TMED3: variants seen among roughly 807,000 people sequenced by gnomAD.
The protein encoded by TMED3 is transmembrane emp24 domain-containing protein 3.
A neutral mutation model predicts 15.0 loss-of-function variants in TMED3; 9 were observed. That is an observed-to-expected ratio of 0.60 (90% CI 0.36 to 1.04). TMED3 has a LOEUF of 1.04. Among genes scored for constraint, TMED3 ranks in the 50% least tolerant of loss-of-function variants. TMED3 has a pLI of 0.01. For synonymous variants in TMED3, 117 were observed against 121.4 expected, an observed-to-expected ratio of 0.96 and a Z score of 0.24; for missense variants, 267 against 278.9, an observed-to-expected ratio of 0.96 and a Z score of 0.30.
At chr15:79,375,145 C>G (rs1364380561) in intron 2 of TMED3, among the ~76,000 whole-genome samples, 1 of 152,182 alleles carries the variant, frequency 6.6e-6, no homozygotes, top group Non-Finnish European at 1.5e-5. Flanking sequence ...CAGCAGCATC[C>G]CTCTGGCCCT....
chr15:79,354,252 G>T (rs913825249), intron 2 of TMED3, among the ~76,000 whole-genome samples: 2 of 152,098 alleles, frequency 1.3e-5, no homozygotes, highest in Admixed American at 6.6e-5. Flanking sequence ...TGTTCTCTGT[G>T]GGGTGAGGAG....
rs1367120410 is a variant in TMED3 at position 79,311,220 on chromosome 15, C to T, written c.-30C>T. On this transcript the variant is annotated 5_prime_UTR_variant, in exon 1 of 3. Transcript: ENST00000299705. ...CCCGCCGGGGGCGCAGCGCCCGAGCCGCGGCCCTCGAGACGGGACCGAGAG... is the reference window on the plus strand; with the variant it reads ...CCCGCCGGGGGCGCAGCGCCCGAGCTGCGGCCCTCGAGACGGGACCGAGAG... 3 of 1,569,728 alleles carry T rather than the reference C, an allele frequency of 1.9e-6. No homozygotes were observed. Among genetic ancestry groups the T allele is most frequent in the Non-Finnish European group, 8.6e-7 (1 of 1,163,262 alleles).
At chr15:79,390,144 A>C (rs994515579) in intron 2 of TMED3, among the ~76,000 whole-genome samples, 1 of 152,050 alleles carries the variant, frequency 6.6e-6, no homozygotes, top group African/African-American at 2.4e-5. Context: ...GAATGGTGAG[A>C]GTGGGCTTCC....
chr15:79,339,790 G>C lies in TMED3; in HGVS notation c.417+25785G>C, dbSNP rs191965327. ...GGTGGTGTTGATGGTGGTGATGGCA[G>C]TGGTGGTGGTGATGGTGTGAATGTG... On this transcript the variant is annotated intron_variant, in intron 2 of 2. Coordinates refer to the TMED3 transcript ENST00000424155. 1.3e-3 allele frequency among the ~76,000 whole-genome samples: 202 copies of C among 151,018 alleles called. 2 individuals are homozygous for C. Among genetic ancestry groups the C allele is most frequent in the Non-Finnish European group, 2.6e-3 (176 of 67,596 alleles).
chr15:79,412,818 G>A (rs147979819), exon 3 of TMED3: 4 of 152,468 alleles, frequency 2.6e-5, no homozygotes, highest in African/African-American at 9.6e-5. Flanking sequence ...ACCCATTGGA[G>A]TGTTGTGACC....
At chr15:79,377,644 CTTTTTTTTTTTTTT>C (rs71150905) in intron 2 of TMED3, among the ~76,000 whole-genome samples, 1 of 123,620 alleles carries the variant, frequency 8.1e-6, no homozygotes, top group East Asian at 2.3e-4. Context: ...ACAAACCGTT[CTTTTTTTTTTTTTT>C]TTTTTTTGAG....
chr15:79,315,535 A>G (rs3784545), intron 2 of TMED3, among the ~76,000 whole-genome samples: 54,272 of 152,086 alleles, frequency 0.36, 9,918 homozygotes, highest in Non-Finnish European at 0.37. Flanking sequence ...AGCTGAGCTG[A>G]AGAACTTCCC....
In TMED3 at chr15:79,313,791, A is replaced by G. The variant is rs763055376; in HGVS notation, c.203A>G (p.Tyr68Cys). The G allele has an allele frequency of 2.5e-6, 4 of 1,614,222 alleles. No homozygotes were observed. The highest frequency in any genetic ancestry group is 4.5e-5 in the East Asian group (2 of 44,888). The part of the protein sequence containing the change: ...ITGGHYDVDC[Y>C]VEDPQGNTIY... ...GGAGGCCACTACGATGTTGACTGCT[A>G]TGTAGAGGACCCCCAGGGGAACACC... is the stretch of plus-strand genomic sequence containing the variant. The change falls in exon 2 of 3, where the codon TAT (tyrosine) becomes TGT (cysteine). Residue 68 changes from tyrosine (Y) to cysteine (C), a missense_variant. Physicochemically the swap from Tyr to Cys is radical, Grantham distance 194 (BLOSUM62 -2). Around this residue, in one of 3 missense-constraint regions of TMED3, gnomAD observed 69 missense variants for 106.8 expected, o/e 0.65. Coordinates refer to ENST00000299705, the MANE Select transcript of TMED3 (RefSeq NM_007364.4).
chr15:79,385,668 C>T (rs1893617152), intron 2 of TMED3, among the ~76,000 whole-genome samples: 1 of 152,174 alleles, frequency 6.6e-6, no homozygotes, highest in South Asian at 2.1e-4. Context: ...TCCTGGCAAC[C>T]TCGAAGAGCA....
chr15:79,380,825 G>T (rs894992934), intron 2 of TMED3, among the ~76,000 whole-genome samples: 1 of 152,046 alleles, frequency 6.6e-6, no homozygotes, highest in Non-Finnish European at 1.5e-5. Flanking sequence ...TGCAGACACA[G>T]ACAAATCCTA....
At chr15:79,366,644 G>A (rs2141243292) in intron 2 of TMED3, among the ~76,000 whole-genome samples, 1 of 152,272 alleles carries the variant, frequency 6.6e-6, no homozygotes, top group Non-Finnish European at 1.5e-5. Flanking sequence ...GCTCCTAAGA[G>A]GGGTCCCTGC....
intron 2 of TMED3, among the ~76,000 whole-genome samples, chr15:79,396,556 A>G (rs1893765480): frequency 6.6e-6 from 1 of 152,176 alleles, no homozygotes; most frequent in African/African-American, 2.4e-5. Flanking sequence ...GACTTTTTCC[A>G]TCTTCCCTCT....
At chr15:79,336,723 CAAACAAAG>C (rs1223688681) in intron 2 of TMED3, among the ~76,000 whole-genome samples, 1 of 59,958 alleles carries the variant, frequency 1.7e-5, no homozygotes, top group South Asian at 7.2e-4. Context: ...ACACAAAAAA[CAAACAAAG>C]AAAAAAACAC....
downstream of TMED3, among the ~76,000 whole-genome samples, chr15:79,327,058 AAT>A (rs755253645): frequency 1.3e-5 from 2 of 152,130 alleles, no homozygotes; most frequent in Non-Finnish European, 2.9e-5. Flanking sequence ...TGTGGGAACT[AAT>A]AGAGTAAGAG....
chr15:79,339,632 G>A (rs928280104), intron 2 of TMED3, among the ~76,000 whole-genome samples: 3 of 152,172 alleles, frequency 2.0e-5, no homozygotes, highest in East Asian at 3.9e-4. Context: ...TGATGGTGGC[G>A]GCAGTGCAGC....
At chr15:79,358,621 G>A (rs141956538) in intron 2 of TMED3, among the ~76,000 whole-genome samples, 22 of 152,314 alleles carry the variant, frequency 1.4e-4, no homozygotes, top group Admixed American at 3.3e-4. Flanking sequence ...AGGAGATCAC[G>A]GGTCCACCCT....
At position 79,322,019 on chromosome 15, in the gene TMED3, G is replaced by T. The variant is rs958057331; in HGVS notation, c.459G>T (p.Thr153=). The change falls in exon 3 of 3, where the codon ACG becomes ACT. Residue 153 remains threonine, a synonymous_variant. Transcript: ENST00000299705. ...ACVTIHEALK[T]VIDSQTHYRL... ...TGACCATCCATGAGGCTCTGAAAAC[G>T]GTGATTGACTCCCAGACGCATTACC... 3 of 1,614,086 alleles carry T rather than the reference G, an allele frequency of 1.9e-6. No individual in the cohort carries two copies. Among genetic ancestry groups the T allele is most frequent in the Non-Finnish European group, 2.5e-6 (3 of 1,180,052 alleles).
chr15:79,334,745 G>T lies in TMED3; in HGVS notation c.417+20740G>T, dbSNP rs76987327. On this transcript the variant is annotated intron_variant, in intron 2 of 2. Transcript: ENST00000424155. ...ATGTATTTCGGAAGAATTACTCCAGGAAGTCAAACAGTGCACACATTTTTT... is the reference window on the plus strand; with the variant it reads ...ATGTATTTCGGAAGAATTACTCCAGTAAGTCAAACAGTGCACACATTTTTT... 6.0e-4 allele frequency among the ~76,000 whole-genome samples: 92 copies of T among 152,252 alleles called. No individual in the cohort carries two copies. The East Asian group carries it at 0.016, about 27-fold the overall frequency.
chr15:79,398,614 C>G (rs554244835), intron 2 of TMED3, among the ~76,000 whole-genome samples: 1 of 152,286 alleles, frequency 6.6e-6, no homozygotes, highest in East Asian at 1.9e-4. Context: ...AGTTAGTCCC[C>G]TTACTCCACC....
Sources: gnomAD v4.1 joint callset for allele counts (sites outside exome capture counted in the v4.1 genomes callset) on GRCh38, gnomAD v4.1.1 for gene constraint, gnomAD v4.1.1 regional missense constraint, MANE v1.5 for transcripts, NCBI Gene and HGNC (gene_info 2026-07-23, HGNC 2026-07-21) for gene names.